Variants in RBM5 observed in about 807,000 individuals in gnomAD.
RBM5 encodes the protein RNA binding motif protein 5, also known as RNA-binding protein 5.
In RBM5, 15 loss-of-function variants were observed where a neutral mutation model predicts 124.6. That is an observed-to-expected ratio of 0.12 (90% CI 0.08 to 0.19). RBM5 has a LOEUF of 0.19. RBM5 is among the 10% of genes least tolerant of loss of function. The pLI is 1.00. For synonymous variants in RBM5, 337 were observed against 361.2 expected (o/e 0.93, Z 0.76); for missense variants, 580 against 1,026.5 (o/e 0.57, Z 5.94).
intron 1 of RBM5, among the ~76,000 whole-genome samples, chr3:50,089,697 A>AT (rs2090668340): frequency 6.6e-6 from 1 of 150,968 alleles, no homozygotes; most frequent in Non-Finnish European, 1.5e-5. Flanking sequence ...ACTGGAACTG[A>AT]TTTTTCGGAC....
rs1369367447 is a variant in RBM5, at chr3:50,117,656, C to T, written c.2322+277C>T. 1.4e-5 allele frequency: 4 copies of T among 283,988 alleles called. No homozygotes were observed. The highest frequency in any genetic ancestry group is 2.7e-5 in the Non-Finnish European group (4 of 148,210). The allele number at this position is 283,988 out of a possible 1,614,324, so 17.6% of individuals were successfully genotyped here. A position where few individuals can be genotyped will look rare whatever the true frequency, so the allele number is the denominator to read the frequency against. The stretch of plus-strand genomic sequence containing the variant: ...ATTAACTGGACGTGGCAGCGTGTGC[C>T]TGTAATCCCAGCTAGTCAGGAAGCT... On this transcript the variant is annotated intron_variant, in intron 24 of 24. Transcript: ENST00000347869. This position sits in a 1 kb window ranked among gnomAD's most constrained non-coding sequence, Gnocchi z 4.2.
chr3:50,093,440 CA>C (rs575148089), intron 3 of RBM5, among the ~76,000 whole-genome samples: 1,412 of 88,414 alleles, frequency 0.016, 11 homozygotes, highest in African/African-American at 0.044. Context: ...GAAACTGTCT[CA>C]AAAAAAAAAA....
At chr3:50,094,978 A>G (rs560200788) in intron 4 of RBM5, among the ~76,000 whole-genome samples, 3 of 152,192 alleles carry the variant, frequency 2.0e-5, no homozygotes, top group South Asian at 2.1e-4. Flanking sequence ...CGGGTGGATC[A>G]CTTGAGGTCA....
intron 2 of RBM5, among the ~76,000 whole-genome samples, chr3:50,091,004 A>G (rs2090691978): frequency 6.6e-6 from 1 of 152,264 alleles, no homozygotes; most frequent in Admixed American, 6.5e-5. Context: ...GTGGAAAATT[A>G]AGATGAGAGC....
Position 50,110,401 on chromosome 3 carries a change from C to A in RBM5, c.1301C>A (p.Thr434Asn), listed in dbSNP as rs1339193332. The A allele has an allele frequency of 4.3e-6, 7 of 1,614,174 alleles. 1 individual carries two copies. In the Admixed American group the frequency reaches 1.2e-4, roughly 27 times the overall value. ...GSPTEEAQPS[T>N]STSTQAPAAS... ...CAGACTGAGGAAGCACAGCCTAGCA[C>A]TAGCACAAGTACACAGGCCCCAGCC... The change falls in exon 16 of 25, where the codon ACT becomes AAT. Residue 434 changes from threonine (T) to asparagine (N), a missense_variant. By Grantham distance (65) the Thr-to-Asn change is moderately conservative. This residue lies in a region of RBM5 where 104 missense variants were observed against 128.7 expected (regional missense o/e 0.81). Transcript: ENST00000347869.
At position 50,090,554 on chromosome 3, in the gene RBM5, G is replaced by A. The variant is rs2090685493; in HGVS notation, c.17+103G>A. 1.0e-5 allele frequency: 14 copies of A among 1,372,922 alleles called. No homozygotes were observed. The South Asian group carries it at 1.6e-4, about 16-fold the overall frequency. 85.0% of individuals were successfully genotyped at this position (1,372,922 alleles called of 1,614,324 possible). A position where few individuals can be genotyped will look rare whatever the true frequency, so the allele number is the denominator to read the frequency against. ...ACTAATATATGAGTGTTTTGCGCCAGGCATTGCTAACGAACACCTTTATGA... is the reference window on the plus strand; with the variant it reads ...ACTAATATATGAGTGTTTTGCGCCAAGCATTGCTAACGAACACCTTTATGA... On this transcript the variant is annotated intron_variant, in intron 2 of 24. Transcript: ENST00000347869.
rs149490380 is a variant in RBM5, at chr3:50,103,710, T to C, written c.568-538T>C. Among the ~76,000 whole-genome samples the C allele has an allele frequency of 5.6e-3, 851 of 152,324 alleles. 11 individuals carry two copies. Among genetic ancestry groups the C allele is most frequent in the African/African-American group, 0.019 (779 of 41,576 alleles). On this transcript the variant is annotated intron_variant, in intron 7 of 24. Coordinates refer to ENST00000347869, the MANE Select transcript of RBM5 (RefSeq NM_005778.4). ...AGCCCAGTGATTAAGATTTTAGGTG[T>C]GTTTCATGTTACTGTTTATTGAATT... is the stretch of plus-strand genomic sequence containing the variant.
intron 6 of RBM5, chr3:50,102,304 A>G (rs549232095): frequency 2.3e-4 from 35 of 152,224 alleles, no homozygotes; most frequent in African/African-American, 7.9e-4. Flanking sequence ...TTGTAGTCAC[A>G]TGGTTGACTT....
At chr3:50,111,784 G>A (rs908937031) in intron 17 of RBM5, among the ~76,000 whole-genome samples, 6 of 152,290 alleles carry the variant, frequency 3.9e-5, no homozygotes, top group African/African-American at 9.6e-5. Context: ...TTTAGCAGAT[G>A]TATGGAGTGA....
intron 3 of RBM5, chr3:50,092,738 T>C: frequency 2.2e-6 from 1 of 453,614 alleles, no homozygotes; most frequent in Non-Finnish European, 4.4e-6. Flanking sequence ...AGTTCTGTGT[T>C]TTGAAATGAA....
At chr3:50,097,609 G>A (rs2108993156) in intron 4 of RBM5, among the ~76,000 whole-genome samples, 1 of 152,046 alleles carries the variant, frequency 6.6e-6, no homozygotes, top group South Asian at 2.1e-4. Flanking sequence ...ATTCATGCCT[G>A]ATATTATTGA....
chr3:50,110,943 G>A, intron 17 of RBM5, 173 bp downstream of exon 17: 2 of 581,586 alleles, frequency 3.4e-6, no homozygotes, highest in Non-Finnish European at 5.9e-6. Context: ...TTTAATTGTA[G>A]GGTTAAAAAA....
intron 17 of RBM5, chr3:50,112,798 G>T (rs2091172404): frequency 6.6e-6 from 1 of 152,240 alleles, no homozygotes; most frequent in Non-Finnish European, 1.5e-5. Flanking sequence ...TGCTCTTTGG[G>T]TGCCCTCTAG....
intron 3 of RBM5, 42 bp downstream of exon 3, chr3:50,092,250 G>A: frequency 6.3e-7 from 1 of 1,584,770 alleles, no homozygotes; most frequent in Non-Finnish European, 8.6e-7. Flanking sequence ...AACACTCTGA[G>A]CCTTATAGTA....
chr3:50,092,732 C>A (rs1414001768), intron 3 of RBM5: 1 of 453,702 alleles, frequency 2.2e-6, no homozygotes, highest in Admixed American at 2.4e-5. Flanking sequence ...CATATTAGTT[C>A]TGTGTTTTGA....
Position 50,093,581 on chromosome 3 carries a change from A to C in RBM5, c.184-139A>C, listed in dbSNP as rs2090749477. The C allele has an allele frequency of 1.7e-5, 16 of 950,142 alleles. No individual in the cohort carries two copies. The South Asian group carries it at 3.6e-4, about 21-fold the overall frequency. 58.9% of individuals were successfully genotyped at this position (950,142 alleles called of 1,614,324 possible). ...TAGTGAGACCCCTGTCTCAAAAAAAAAAAATTGCAGTGAACATTACCATGG... is the reference window on the plus strand; with the variant it reads ...TAGTGAGACCCCTGTCTCAAAAAAACAAAATTGCAGTGAACATTACCATGG... On this transcript the variant is annotated intron_variant, in intron 3 of 24. Coordinates refer to ENST00000347869, the MANE Select transcript of RBM5 (RefSeq NM_005778.4).
chr3:50,106,647 A>G (rs2091038613), intron 10 of RBM5, 120 bp from the exon 11 acceptor site: 7 of 692,948 alleles, frequency 1.0e-5, no homozygotes, highest in African/African-American at 1.8e-5. Context: ...ATCTGCAAAC[A>G]CAATAAGGAA....
At chr3:50,092,345 T>G in intron 3 of RBM5, 137 bp downstream of exon 3, 2 of 915,738 alleles carry the variant, frequency 2.2e-6, no homozygotes, top group Non-Finnish European at 3.2e-6. Flanking sequence ...CCAGATCACT[T>G]GAGGTCAGGA....
At chr3:50,107,730 G>A (rs1403849224) in intron 12 of RBM5, among the ~76,000 whole-genome samples, 161 bp downstream of exon 12, 7 of 125,584 alleles carry the variant, frequency 5.6e-5, no homozygotes, top group Admixed American at 1.9e-4. Flanking sequence ...CTCGTCACCC[G>A]GGCTGGAGTG....
Sources: gnomAD v4.1 joint callset for allele counts (sites outside exome capture counted in the v4.1 genomes callset) on GRCh38, gnomAD v4.1.1 for gene constraint, gnomAD v4.1.1 regional missense constraint, Gnocchi (gnomAD v3.1) non-coding constraint, MANE v1.5 for transcripts, NCBI Gene and HGNC (gene_info 2026-07-23, HGNC 2026-07-21) for gene names.